The following SLC44A1 variants were observed in gnomAD, a reference collection of about 807,000 sequenced individuals.
SLC44A1 encodes solute carrier family 44 member 1.
In SLC44A1, 26 loss-of-function variants were observed where a neutral mutation model predicts 79.3. The observed-to-expected ratio is 0.33, with a 90% CI of 0.24 to 0.46. SLC44A1 has a LOEUF of 0.46. Ranked by LOEUF, SLC44A1 falls within the 20% of genes least tolerant of loss-of-function variation. The probability of loss-of-function intolerance (pLI) is 1.00; values close to 1 mark genes in which losing one functional copy is unlikely to be tolerated. For missense variants in SLC44A1, 688 were observed against 798.1 expected (o/e 0.86, Z 1.66); for synonymous variants, 263 against 286.2 (o/e 0.92, Z 0.82).
At chr9:105,382,335 A>C (rs1828493065) in intron 13 of SLC44A1, among the ~76,000 whole-genome samples, 1 of 152,232 alleles carries the variant, frequency 6.6e-6, no homozygotes, top group South Asian at 2.1e-4. Context: ...CTGCATGTGA[A>C]ATAAGCATCA....
chr9:105,245,697 T>C (rs1338870106), intron 1 of SLC44A1, among the ~76,000 whole-genome samples: 3 of 152,324 alleles, frequency 2.0e-5, no homozygotes, highest in African/African-American at 7.2e-5. Flanking sequence ...ATTTAGTTTT[T>C]CTGTGGGCAC....
chr9:105,339,882 T>C (rs1827033614), intron 4 of SLC44A1, among the ~76,000 whole-genome samples: 1 of 152,134 alleles, frequency 6.6e-6, no homozygotes. Context: ...AATGGAATAT[T>C]ATTTTAGCCT....
At chr9:105,290,304 T>C (rs1322608659) in intron 1 of SLC44A1, among the ~76,000 whole-genome samples, 1 of 152,194 alleles carries the variant, frequency 6.6e-6, no homozygotes, top group East Asian at 1.9e-4. Flanking sequence ...CTTTGGTCTA[T>C]CAGTCTGTCC....
chr9:105,422,987 C>T (rs910789597), intron 15 of SLC44A1, among the ~76,000 whole-genome samples: 1 of 152,076 alleles, frequency 6.6e-6, no homozygotes, highest in African/African-American at 2.4e-5. Context: ...TATGTCAGGC[C>T]CTGTGTGGGA....
At chr9:105,417,839 C>CAAA (rs146589405) in intron 15 of SLC44A1, among the ~76,000 whole-genome samples, 23 of 57,872 alleles carry the variant, frequency 4.0e-4, no homozygotes, top group East Asian at 3.2e-3. Context: ...CTCATCCCTA[C>CAAA]AAAAAAAAAA....
chr9:105,415,865 C>A (rs1829163084), intron 15 of SLC44A1, among the ~76,000 whole-genome samples: 1 of 146,300 alleles, frequency 6.8e-6, no homozygotes, highest in African/African-American at 2.5e-5. Flanking sequence ...AAAAGATCAA[C>A]TTTTGGATAT....
intron 15 of SLC44A1, among the ~76,000 whole-genome samples, chr9:105,421,256 A>G (rs1203354322): frequency 6.6e-6 from 1 of 152,188 alleles, no homozygotes; most frequent in Admixed American, 6.5e-5. Context: ...AACAGCTATC[A>G]TTTACTGAAC....
Position 105,298,914 on chromosome 9 carries a change from A to G in SLC44A1, c.37-306A>G, listed in dbSNP as rs367932729. Reference sequence around the variant, plus strand: ...TATGACACTCACAGTCTGCTGGGACACAGCATAACAAATAAGAATGACAAT... The same window carrying G: ...TATGACACTCACAGTCTGCTGGGACGCAGCATAACAAATAAGAATGACAAT... On this transcript the variant is annotated intron_variant, in intron 1 of 15. Transcript: ENST00000374720. 3.9e-5 allele frequency among the ~76,000 whole-genome samples: 6 copies of G among 152,306 alleles called. No individual in the cohort carries two copies. The East Asian group carries it at 1.2e-3, about 29-fold the overall frequency.
At chr9:105,410,685 G>T (rs1054832784) in intron 15 of SLC44A1, among the ~76,000 whole-genome samples, 1 of 152,142 alleles carries the variant, frequency 6.6e-6, no homozygotes, top group Non-Finnish European at 1.5e-5. Flanking sequence ...TGGGATGCAG[G>T]TATATATCCC....
intron 13 of SLC44A1, among the ~76,000 whole-genome samples, chr9:105,375,285 CCGCCTT>C (rs1588847060): frequency 6.6e-6 from 1 of 152,342 alleles, no homozygotes; most frequent in South Asian, 2.1e-4. Flanking sequence ...GGTGATCCAA[CCGCCTT>C]CGCCTCCCAA....
chr9:105,357,466 A>T (rs187666241), intron 6 of SLC44A1, among the ~76,000 whole-genome samples: 109 of 152,328 alleles, frequency 7.2e-4, no homozygotes, highest in Middle Eastern at 3.4e-3. Flanking sequence ...TATTAGAATG[A>T]TTCTCTTTTG....
intron 1 of SLC44A1, among the ~76,000 whole-genome samples, chr9:105,247,592 C>T (rs760251152): frequency 6.6e-6 from 1 of 152,194 alleles, no homozygotes; most frequent in Non-Finnish European, 1.5e-5. Flanking sequence ...CCACCGCTCC[C>T]TATCAGGGGT....
chr9:105,399,508 T>C (rs1828928669), downstream of SLC44A1, among the ~76,000 whole-genome samples: 2 of 100,046 alleles, frequency 2.0e-5, no homozygotes, highest in Non-Finnish European at 4.4e-5. Flanking sequence ...ACACAAGTTG[T>C]GTAATAAGCA....
chr9:105,286,320 A>C (rs1830477226), intron 1 of SLC44A1, among the ~76,000 whole-genome samples: 1 of 152,202 alleles, frequency 6.6e-6, no homozygotes, highest in Admixed American at 6.5e-5. Flanking sequence ...TGTAGTACGT[A>C]CTGACCATTT....
chr9:105,397,007 G>A lies in SLC44A1; in HGVS notation c.*7951G>A, dbSNP rs11096. ...TCATTATTGACACAGTGCAGACTTT[G>A]CAGATGGAGCATTATGCTCTCAGAG... On this transcript the variant is annotated 3_prime_UTR_variant, in exon 16 of 16. Transcript: ENST00000374720. 958,892 of 985,292 alleles carry A rather than the reference G, an allele frequency of 0.97. 466,605 individuals are homozygous for A. The highest frequency in any genetic ancestry group is 1 in the East Asian group (8,799 of 8,804). The allele number at this position is 985,292 out of a possible 1,614,324, so 61.0% of individuals were successfully genotyped here. A position where few individuals can be genotyped will look rare whatever the true frequency, so the allele number is the denominator to read the frequency against.
At chr9:105,267,753 C>T (rs1829993980) in intron 1 of SLC44A1, among the ~76,000 whole-genome samples, 1 of 152,112 alleles carries the variant, frequency 6.6e-6, no homozygotes, top group Admixed American at 6.5e-5. Flanking sequence ...ACTGTCTGGT[C>T]ATCCTTAGCT....
intron 13 of SLC44A1, among the ~76,000 whole-genome samples, chr9:105,381,600 G>A (rs1249614071): frequency 6.6e-6 from 1 of 151,136 alleles, no homozygotes; most frequent in Non-Finnish European, 1.5e-5. Flanking sequence ...AACCATCTAT[G>A]GAAATAACCC....
chr9:105,359,982 T>C (rs540329177), intron 7 of SLC44A1, among the ~76,000 whole-genome samples: 8 of 152,292 alleles, frequency 5.3e-5, no homozygotes, highest in African/African-American at 1.9e-4. Context: ...ATTTATCATA[T>C]CAGCCACACA....
intron 2 of SLC44A1, 43 bp downstream of exon 2, chr9:105,299,352 CA>C: frequency 7.4e-7 from 1 of 1,352,650 alleles, no homozygotes. Flanking sequence ...ACTCATGATC[CA>C]AGGGAATGAC....
Sources: allele counts gnomAD v4.1 joint callset (sites outside exome capture counted in the v4.1 genomes callset), GRCh38; gene constraint gnomAD v4.1.1; transcripts MANE v1.5; gene names NCBI Gene and HGNC (gene_info 2026-07-23, HGNC 2026-07-21).